Variants in CDH12 observed in about 807,000 individuals in gnomAD.
CDH12 encodes cadherin-12.
Under a neutral mutation model 74.1 loss-of-function variants are expected in CDH12, and 41 were observed. The observed-to-expected ratio is 0.55, with a 90% CI of 0.43 to 0.72. The LOEUF is 0.72. Among genes scored for constraint, CDH12 ranks in the 30% least tolerant of loss-of-function variants. CDH12 has a pLI of 0.00. For synonymous variants in CDH12, 399 were observed against 355.0 expected, an observed-to-expected ratio of 1.12 and a Z score of -1.39; for missense variants, 945 against 977.2, an observed-to-expected ratio of 0.97 and a Z score of 0.44.
intron 3 of CDH12, among the ~76,000 whole-genome samples, chr5:22,228,502 T>C (rs1752271600): frequency 6.6e-6 from 1 of 152,140 alleles, no homozygotes; most frequent in South Asian, 2.1e-4. Flanking sequence ...TATATAAATG[T>C]TTTCCTTTTC....
At chr5:22,699,678 A>C (rs1199067228) in intron 1 of CDH12, among the ~76,000 whole-genome samples, 1 of 152,176 alleles carries the variant, frequency 6.6e-6, no homozygotes, top group Admixed American at 6.5e-5. Flanking sequence ...AAACTCACAA[A>C]TGTACATGTA....
intron 1 of CDH12, among the ~76,000 whole-genome samples, chr5:22,510,926 C>T (rs1487030811): frequency 6.7e-6 from 1 of 149,748 alleles, no homozygotes; most frequent in Non-Finnish European, 1.5e-5. Flanking sequence ...CAGAGTTTTG[C>T]TCTTGTCGCC....
chr5:22,460,540 G>T (rs1745455994), intron 2 of CDH12, among the ~76,000 whole-genome samples: 1 of 151,952 alleles, frequency 6.6e-6, no homozygotes, highest in South Asian at 2.1e-4. Flanking sequence ...TTTAATAACT[G>T]CAAATAAAAA....
At chr5:21,752,376 C>A in intron 14 of CDH12, 140 bp from the exon 15 acceptor site, 2 of 677,090 alleles carry the variant, frequency 3.0e-6, no homozygotes, top group Non-Finnish European at 5.0e-6. Context: ...ATACCATAAT[C>A]AATAGGATCA....
chr5:22,267,062 T>G (rs1736152428), intron 3 of CDH12, among the ~76,000 whole-genome samples: 1 of 152,170 alleles, frequency 6.6e-6, no homozygotes, highest in Non-Finnish European at 1.5e-5. Context: ...GCATTTATAC[T>G]TTGGAAATGT....
chr5:22,783,748 G>C (rs1747492421), intron 1 of CDH12, among the ~76,000 whole-genome samples: 1 of 152,090 alleles, frequency 6.6e-6, no homozygotes, highest in Non-Finnish European at 1.5e-5. Flanking sequence ...TTTTCAAATT[G>C]TATATGGGGC....
chr5:22,146,229 T>C (rs1167340669), intron 4 of CDH12, among the ~76,000 whole-genome samples: 2 of 152,008 alleles, frequency 1.3e-5, no homozygotes, highest in African/African-American at 2.4e-5. Flanking sequence ...TTTTAATCCT[T>C]GCAATAATAT....
chr5:22,384,470 G>A (rs1008388253), intron 3 of CDH12, among the ~76,000 whole-genome samples: 1 of 137,236 alleles, frequency 7.3e-6, no homozygotes, highest in Admixed American at 8.1e-5. Context: ...AGCTTGCAGT[G>A]AGCCGAGATT....
chr5:21,829,741 T>A (rs959335229), intron 8 of CDH12, among the ~76,000 whole-genome samples: 23 of 152,214 alleles, frequency 1.5e-4, no homozygotes, highest in Admixed American at 3.9e-4. Context: ...ATCTATGTAT[T>A]AAAGGATTGA....
chr5:22,499,703 G>T (rs537149145), intron 2 of CDH12, among the ~76,000 whole-genome samples: 1 of 152,250 alleles, frequency 6.6e-6, no homozygotes, highest in East Asian at 1.9e-4. Flanking sequence ...GTAGAATAGG[G>T]TATACCCAGT....
At position 21,787,535 on chromosome 5, in the gene CDH12, C is replaced by T. The variant is rs184989245; in HGVS notation, c.1257-4041G>A. 3.8e-3 allele frequency among the ~76,000 whole-genome samples: 573 copies of T among 152,094 alleles called. 2 individuals carry two copies. Among genetic ancestry groups the T allele is most frequent in the African/African-American group, 0.011 (462 of 41,504 alleles). On this transcript the variant is annotated intron_variant, in intron 10 of 14. Coordinates refer to ENST00000382254, the MANE Select transcript of CDH12 (RefSeq NM_004061.5). The stretch of plus-strand genomic sequence containing the variant: ...GATGATGTTTATATGTACTGGCAAA[C>T]GAAAAAACTGTTTGACTTGCTTTAT...
intron 1 of CDH12, among the ~76,000 whole-genome samples, chr5:22,652,995 C>T (rs944945291): frequency 6.6e-6 from 1 of 152,136 alleles, no homozygotes. Context: ...TGGGGGAACA[C>T]TAAACACTTG....
In CDH12 at chr5:22,265,531, A is replaced by T. The variant is rs181699246; in HGVS notation, c.-332-52888T>A. Among the ~76,000 whole-genome samples, 3 of 152,326 alleles carry T rather than the reference A, an allele frequency of 2.0e-5. No individual in the cohort carries two copies. In the East Asian group the frequency reaches 5.8e-4, roughly 29 times the overall value. On this transcript the variant is annotated intron_variant, in intron 3 of 14. Transcript: ENST00000382254. ...TTTCTTACTTTGGAAGAGAATTGATATTAAAAATTGGCCTCATTTATGTGG... is the reference window on the plus strand; with the variant it reads ...TTTCTTACTTTGGAAGAGAATTGATTTTAAAAATTGGCCTCATTTATGTGG...
At chr5:22,036,017 G>A (rs1739156062) in intron 5 of CDH12, among the ~76,000 whole-genome samples, 2 of 152,034 alleles carry the variant, frequency 1.3e-5, no homozygotes, top group Non-Finnish European at 2.9e-5. Flanking sequence ...CCTACAGTTG[G>A]GTGAATGCAG....
chr5:21,894,382 G>GAAAAAAAA (rs376989106), intron 6 of CDH12, among the ~76,000 whole-genome samples: 10 of 73,402 alleles, frequency 1.4e-4, no homozygotes, highest in South Asian at 4.7e-4. Context: ...CCGTCTCAAA[G>GAAAAAAAA]AAAAAAAAAA....
At chr5:22,745,970 C>A (rs1027673965) in intron 1 of CDH12, among the ~76,000 whole-genome samples, 2 of 152,006 alleles carry the variant, frequency 1.3e-5, no homozygotes, top group Non-Finnish European at 2.9e-5. Flanking sequence ...CATTCTACAA[C>A]TAACCTGTAT....
chr5:21,996,422 G>A (rs889925818), intron 5 of CDH12, among the ~76,000 whole-genome samples: 2 of 152,266 alleles, frequency 1.3e-5, no homozygotes, highest in Admixed American at 6.5e-5. Flanking sequence ...AAATCAGGCC[G>A]CTGGAACTAG....
At chr5:22,135,209 C>CAAAAAA (rs5866550) in intron 4 of CDH12, among the ~76,000 whole-genome samples, 2 of 119,374 alleles carry the variant, frequency 1.7e-5, no homozygotes, top group African/African-American at 3.0e-5. Flanking sequence ...AACACATAAG[C>CAAAAAA]AAAAAAAAAA....
At chr5:22,274,409 C>G (rs946391524) in intron 3 of CDH12, among the ~76,000 whole-genome samples, 1 of 152,070 alleles carries the variant, frequency 6.6e-6, no homozygotes, top group African/African-American at 2.4e-5. Context: ...TTAGCACTAT[C>G]TCTAAAATTA....
Sources: allele counts gnomAD v4.1 joint callset (sites outside exome capture counted in the v4.1 genomes callset), GRCh38; gene constraint gnomAD v4.1.1; transcripts MANE v1.5; gene names NCBI Gene and HGNC (gene_info 2026-07-23, HGNC 2026-07-21).